The following CCDC33 variants were observed in gnomAD, a reference collection of about 807,000 sequenced individuals.
The protein encoded by CCDC33 is coiled-coil domain-containing protein 33.
In CCDC33, 94 loss-of-function variants were observed where a neutral mutation model predicts 91.9. That is an observed-to-expected ratio of 1.02 (90% CI 0.87 to 1.21). CCDC33 has a LOEUF of 1.21. Among genes scored for constraint, CCDC33 ranks in the 50% most tolerant of loss-of-function variants. The pLI is 0.00. For synonymous variants in CCDC33, 396 were observed against 374.5 expected, an observed-to-expected ratio of 1.06 and a Z score of -0.66; for missense variants, 940 against 935.5, an observed-to-expected ratio of 1.00 and a Z score of -0.06.
At position 74,279,946 on chromosome 15, in the gene CCDC33, C is replaced by G; in HGVS notation, c.760-17C>G. On this transcript the variant is annotated splice_polypyrimidine_tract_variant and intron_variant, in intron 7 of 18. Coordinates refer to ENST00000398814, the MANE Select transcript of CCDC33 (RefSeq NM_025055.5). ...AAGCTGTGGCCCCCACCACCTGCTCCTACCCTCTCCCTCCAGCTGTCCAAG... is the reference window on the plus strand; with the variant it reads ...AAGCTGTGGCCCCCACCACCTGCTCGTACCCTCTCCCTCCAGCTGTCCAAG... The G allele has an allele frequency of 1.2e-6, 2 of 1,612,990 alleles. No individual in the cohort carries two copies. Among genetic ancestry groups the G allele is most frequent in the Non-Finnish European group, 1.7e-6 (2 of 1,179,440 alleles).
Position 74,316,264 on chromosome 15 carries a change from G to T in CCDC33, c.1291-13925G>T, listed in dbSNP as rs1426294862. ...CACACTTGTTCTATGTCCGGTGATG[G>T]GTCCCTGAGGGTCCGCTGGGGCGCC... On this transcript the variant is annotated intron_variant, in intron 11 of 18. Transcript: ENST00000398814. The surrounding 1 kb of genome is among the most constrained non-coding windows in gnomAD (Gnocchi z 4.7). Among the ~76,000 whole-genome samples the T allele has an allele frequency of 6.6e-6, 1 of 152,180 alleles. No individual in the cohort carries two copies. Among genetic ancestry groups the T allele is most frequent in the Non-Finnish European group, 1.5e-5 (1 of 68,030 alleles).
intron 3 of CCDC33, among the ~76,000 whole-genome samples, chr15:74,265,752 G>A (rs193186900): frequency 4.6e-5 from 7 of 152,230 alleles, no homozygotes; most frequent in South Asian, 2.1e-4. Context: ...GGCCGGGTGC[G>A]GTGGCCCATG....
At chr15:74,251,488 G>C (rs767878329) in intron 2 of CCDC33, among the ~76,000 whole-genome samples, 1 of 152,256 alleles carries the variant, frequency 6.6e-6, no homozygotes, top group Non-Finnish European at 1.5e-5. Context: ...TTGGCCAAAG[G>C]CTGCATGTCA....
chr15:74,228,175 C>G (rs954910102), intron 2 of CCDC33, among the ~76,000 whole-genome samples: 1 of 152,122 alleles, frequency 6.6e-6, no homozygotes, highest in Admixed American at 6.5e-5. Context: ...AGCAGCTGGA[C>G]CCACCTTGTG....
chr15:74,314,811 G>A (rs899311212), intron 11 of CCDC33, among the ~76,000 whole-genome samples: 2 of 152,286 alleles, frequency 1.3e-5, no homozygotes, highest in East Asian at 1.9e-4. Flanking sequence ...CACATGTCCC[G>A]CCTCCGGGAG....
At chr15:74,212,964 C>G (rs1254617656), upstream of CCDC33, 2 of 152,174 alleles carry the variant, frequency 1.3e-5, no homozygotes, top group African/African-American at 4.8e-5. Flanking sequence ...CCTATAATCC[C>G]AGCACTTTGG....
intron 11 of CCDC33, chr15:74,302,683 G>A: frequency 6.6e-6 from 1 of 152,446 alleles, no homozygotes; most frequent in Non-Finnish European, 1.5e-5. Flanking sequence ...AACCAAGACA[G>A]TCCTAGGCAA....
intron 10 of CCDC33, among the ~76,000 whole-genome samples, chr15:74,286,711 G>A (rs1407700934): frequency 6.6e-6 from 1 of 152,134 alleles, no homozygotes; most frequent in Non-Finnish European, 1.5e-5. Context: ...AGGGCACCAG[G>A]CAGAAGTAGG....
At chr15:74,225,118 G>A (rs1161880560) in intron 2 of CCDC33, among the ~76,000 whole-genome samples, 1 of 19,776 alleles carries the variant, frequency 5.1e-5, no homozygotes, top group Admixed American at 3.3e-4. Flanking sequence ...TCCTGGAGGC[G>A]TGTGTGTGTG....
chr15:74,295,930 T>C lies in CCDC33; in HGVS notation c.1272T>C (p.Pro424=), dbSNP rs200645500. ...AAGCAGAGGAGGAACCTCTGGTGCCTGAGATGTCCCATGACACAGTGAGTG... is the reference window on the plus strand; with the variant it reads ...AAGCAGAGGAGGAACCTCTGGTGCCCGAGATGTCCCATGACACAGTGAGTG... ...PREAEEEPLV[P]EMSHDTEMNN... is the part of the protein sequence containing the mutation. The change falls in exon 11 of 19, where the codon CCT becomes CCC. Residue 424 remains proline, a synonymous_variant. Transcript: ENST00000398814. The C allele has an allele frequency of 1.4e-5, 23 of 1,612,576 alleles. No individual in the cohort carries two copies. In the Admixed American group the frequency reaches 3.8e-4, roughly 27 times the overall value.
intron 3 of CCDC33, among the ~76,000 whole-genome samples, chr15:74,264,033 C>T (rs2076098937): frequency 6.6e-6 from 1 of 152,078 alleles, no homozygotes; most frequent in Admixed American, 6.6e-5. Flanking sequence ...AGGTCAGTGA[C>T]CCCAGGGCCC....
At chr15:74,269,409 A>G (rs1036972638) in intron 5 of CCDC33, among the ~76,000 whole-genome samples, 1 of 152,124 alleles carries the variant, frequency 6.6e-6, no homozygotes. Context: ...GGAGTATGGT[A>G]TGGGAGCCAA....
intron 7 of CCDC33, among the ~76,000 whole-genome samples, chr15:74,273,305 G>T (rs988703031): frequency 6.6e-6 from 1 of 152,204 alleles, no homozygotes; most frequent in Non-Finnish European, 1.5e-5. Context: ...GGGAGTTACA[G>T]GTCATAAGTA....
intron 2 of CCDC33, among the ~76,000 whole-genome samples, chr15:74,229,469 G>C (rs556557543): frequency 6.6e-6 from 1 of 152,146 alleles, no homozygotes; most frequent in Non-Finnish European, 1.5e-5. Context: ...CTCCAGCCTG[G>C]GTGACAATTG....
At chr15:74,204,889 C>T (rs760802160) in intron 1 of CCDC33, among the ~76,000 whole-genome samples, 3 of 151,994 alleles carry the variant, frequency 2.0e-5, no homozygotes, top group Non-Finnish European at 2.9e-5. Flanking sequence ...GAGCCAAGAT[C>T]GTGCCACTGC....
At chr15:74,329,405 A>G (rs2060379486) in intron 11 of CCDC33, among the ~76,000 whole-genome samples, 1 of 152,024 alleles carries the variant, frequency 6.6e-6, no homozygotes, top group South Asian at 2.1e-4. Flanking sequence ...CAAGTTACTC[A>G]CCTCTCTGGG....
intron 1 of CCDC33, chr15:74,207,896 T>C (rs991573004): frequency 3.3e-6 from 5 of 1,494,054 alleles, no homozygotes; most frequent in Non-Finnish European, 4.5e-6. Flanking sequence ...GGCAGTGTCG[T>C]CGGCTGCCGT....
chr15:74,306,845 G>A (rs907001714), intron 11 of CCDC33, among the ~76,000 whole-genome samples: 1 of 152,180 alleles, frequency 6.6e-6, no homozygotes, highest in African/African-American at 2.4e-5. Flanking sequence ...ATTTACTGCC[G>A]AGAGAGGGTT....
intron 11 of CCDC33, chr15:74,303,828 TAAGAC>T (rs1471756320): frequency 3.3e-5 from 5 of 152,294 alleles, no homozygotes; most frequent in African/African-American, 1.2e-4. Flanking sequence ...ATTAAATACT[TAAGAC>T]AAGGCAACCG....
Sources: gnomAD v4.1 joint callset for allele counts (sites outside exome capture counted in the v4.1 genomes callset) on GRCh38, gnomAD v4.1.1 for gene constraint, Gnocchi (gnomAD v3.1) non-coding constraint, MANE v1.5 for transcripts, NCBI Gene and HGNC (gene_info 2026-07-23, HGNC 2026-07-21) for gene names.